DCDC2C: variants seen among roughly 807,000 people sequenced by gnomAD.
DCDC2C encodes the protein doublecortin domain containing 2C.
Under a neutral mutation model 45.0 loss-of-function variants are expected in DCDC2C, and 44 were observed. That is an observed-to-expected ratio of 0.98 (90% CI 0.77 to 1.26). DCDC2C has a LOEUF of 1.26. Among genes scored for constraint, DCDC2C ranks in the 50% most tolerant of loss-of-function variants. The pLI is 0.00. For missense variants in DCDC2C, 447 were observed against 468.9 expected (o/e 0.95, Z 0.43); for synonymous variants, 187 against 178.8 (o/e 1.05, Z -0.37).
At chr2:3,816,387 C>T (rs1671559652) in intron 10 of DCDC2C, among the ~76,000 whole-genome samples, 1 of 152,006 alleles carries the variant, frequency 6.6e-6, no homozygotes, top group Admixed American at 6.6e-5. Context: ...ATACACCAGG[C>T]CAGATTGATT....
intron 2 of DCDC2C, among the ~76,000 whole-genome samples, chr2:3,719,213 G>C (rs2148058507): frequency 6.6e-6 from 1 of 152,164 alleles, no homozygotes; most frequent in African/African-American, 2.4e-5. Context: ...AGCCTCCCGA[G>C]TAGCTGGGAC....
intron 10 of DCDC2C, among the ~76,000 whole-genome samples, chr2:3,798,145 G>C (rs1278773600): frequency 6.6e-6 from 1 of 151,706 alleles, no homozygotes; most frequent in African/African-American, 2.4e-5. Context: ...TGTCTCTTTT[G>C]ATCTTTGTTG....
intron 10 of DCDC2C, among the ~76,000 whole-genome samples, chr2:3,842,359 A>G (rs1672233961): frequency 6.6e-6 from 1 of 151,936 alleles, no homozygotes; most frequent in Non-Finnish European, 1.5e-5. Context: ...CAATTTATAG[A>G]ACGTGTTATA....
At chr2:3,724,961 T>C (rs1026140242) in intron 2 of DCDC2C, among the ~76,000 whole-genome samples, 4 of 152,124 alleles carry the variant, frequency 2.6e-5, no homozygotes, top group African/African-American at 7.2e-5. Flanking sequence ...CTGGAACCTC[T>C]TCTGTGCTAA....
intron 10 of DCDC2C, among the ~76,000 whole-genome samples, chr2:3,824,753 AG>A (rs1205642165): frequency 1.3e-5 from 2 of 151,158 alleles, no homozygotes; most frequent in Non-Finnish European, 2.9e-5. Flanking sequence ...CCCTAGCTGT[AG>A]ACTTCTGATA....
intron 2 of DCDC2C, among the ~76,000 whole-genome samples, chr2:3,726,334 C>T (rs1668686780): frequency 6.6e-6 from 1 of 152,052 alleles, no homozygotes; most frequent in Non-Finnish European, 1.5e-5. Flanking sequence ...ATCAGAGCTC[C>T]CCCCATTTGC....
chr2:3,777,764 G>A (rs771049356), intron 8 of DCDC2C, among the ~76,000 whole-genome samples: 2 of 152,182 alleles, frequency 1.3e-5, no homozygotes, highest in Non-Finnish European at 2.9e-5. Context: ...GCCTCGCCAC[G>A]GAACACTGTT....
chr2:3,835,327 GGAGAT>G (rs1198958073), intron 10 of DCDC2C, among the ~76,000 whole-genome samples: 1 of 152,180 alleles, frequency 6.6e-6, no homozygotes, highest in African/African-American at 2.4e-5. Context: ...TTATTGCTAA[GGAGAT>G]TTGAGGTGGT....
At chr2:3,767,080 G>T (rs139406170) in intron 6 of DCDC2C, among the ~76,000 whole-genome samples, 1 of 152,218 alleles carries the variant, frequency 6.6e-6, no homozygotes, top group Non-Finnish European at 1.5e-5. Context: ...GTAGGGCTGC[G>T]CCATGATGTT....
intron 10 of DCDC2C, among the ~76,000 whole-genome samples, chr2:3,794,523 A>G (rs1298696511): frequency 1.5e-5 from 2 of 134,006 alleles, no homozygotes; most frequent in African/African-American, 5.7e-5. Context: ...CGCTCCCCCC[A>G]CCCCACAACA....
At chr2:3,726,728 G>A (rs1369297668) in intron 2 of DCDC2C, among the ~76,000 whole-genome samples, 2 of 152,170 alleles carry the variant, frequency 1.3e-5, no homozygotes, top group Admixed American at 6.5e-5. Flanking sequence ...ACCTTTGCCC[G>A]TCAGCCCAGC....
intron 10 of DCDC2C, among the ~76,000 whole-genome samples, chr2:3,830,218 C>T (rs1572647246): frequency 6.6e-6 from 1 of 152,152 alleles, no homozygotes; most frequent in East Asian, 1.9e-4. Flanking sequence ...TGCATCTCTG[C>T]AGTTTCCCAA....
intron 2 of DCDC2C, among the ~76,000 whole-genome samples, chr2:3,725,677 G>A (rs1294001482): frequency 6.3e-5 from 9 of 141,842 alleles, no homozygotes; most frequent in Admixed American, 1.4e-4. Flanking sequence ...AGAGAGTGAG[G>A]AGGCTGCCAG....
intron 8 of DCDC2C, among the ~76,000 whole-genome samples, chr2:3,777,345 TTTAA>T: frequency 6.6e-6 from 1 of 152,350 alleles, no homozygotes; most frequent in Non-Finnish European, 1.5e-5. Context: ...TGTGTGACTA[TTTAA>T]TTAATATCTG....
At chr2:3,813,107 T>C (rs1291278127) in intron 10 of DCDC2C, among the ~76,000 whole-genome samples, 2 of 148,680 alleles carry the variant, frequency 1.3e-5, no homozygotes, top group African/African-American at 4.9e-5. Context: ...AATCTTGCTC[T>C]GTCTCCCAGG....
chr2:3,825,193 G>T, intron 10 of DCDC2C, among the ~76,000 whole-genome samples: 1 of 152,132 alleles, frequency 6.6e-6, no homozygotes, highest in Non-Finnish European at 1.5e-5. Flanking sequence ...GGTGAAGTCT[G>T]CAGAAAATAC....
At chr2:3,839,258 T>G (rs983297699) in intron 10 of DCDC2C, among the ~76,000 whole-genome samples, 1 of 152,198 alleles carries the variant, frequency 6.6e-6, no homozygotes, top group Non-Finnish European at 1.5e-5. Context: ...ATACAGAAAT[T>G]AAATGCTATC....
intron 10 of DCDC2C, among the ~76,000 whole-genome samples, chr2:3,789,620 A>G (rs754895146): frequency 1.3e-5 from 2 of 152,234 alleles, no homozygotes; most frequent in Non-Finnish European, 2.9e-5. Context: ...TCAAGTTTTC[A>G]ACAACTCTCC....
intron 10 of DCDC2C, among the ~76,000 whole-genome samples, chr2:3,809,087 G>A (rs765633544): frequency 8.5e-5 from 13 of 152,102 alleles, no homozygotes; most frequent in Non-Finnish European, 1.9e-4. Flanking sequence ...TGGACTCTAT[G>A]TTTATCCCAT....
Sources: allele counts gnomAD v4.1 joint callset (sites outside exome capture counted in the v4.1 genomes callset), GRCh38; gene constraint gnomAD v4.1.1; transcripts MANE v1.5; gene names NCBI Gene and HGNC (gene_info 2026-07-23, HGNC 2026-07-21).